GLT8D2: variants seen among roughly 807,000 people sequenced by gnomAD.
The protein encoded by GLT8D2 is glycosyltransferase 8 domain containing 2, also known as glycosyltransferase 8 domain-containing protein 2.
In GLT8D2, 45 loss-of-function variants were observed where a neutral mutation model predicts 44.5. That is an observed-to-expected ratio of 1.01 (90% CI 0.80 to 1.30). The LOEUF (loss-of-function observed/expected upper bound fraction) is 1.30, where lower values mean the gene tolerates loss of function less well. GLT8D2 is among the 50% of genes most tolerant of loss of function. The pLI is 0.00. For missense variants in GLT8D2, 400 were observed against 430.4 expected (o/e 0.93, Z 0.62); for synonymous variants, 156 against 157.2 (o/e 0.99, Z 0.06).
At chr12:104,016,274 GTAA>G (rs1876575264) in intron 3 of GLT8D2, among the ~76,000 whole-genome samples, 1 of 152,256 alleles carries the variant, frequency 6.6e-6, no homozygotes, top group South Asian at 2.1e-4. Flanking sequence ...TGAGCCAGTA[GTAA>G]TTATAAATAC....
chr12:103,993,556 A>G, intron 9 of GLT8D2, 52 bp from the exon 10 acceptor site: 2 of 1,192,424 alleles, frequency 1.7e-6, no homozygotes, highest in Non-Finnish European at 2.4e-6. Context: ...CCACAAACTC[A>G]GATAAAGTCG....
intron 1 of GLT8D2, among the ~76,000 whole-genome samples, chr12:104,032,318 T>C (rs982873719): frequency 1.1e-4 from 16 of 150,216 alleles, no homozygotes; most frequent in African/African-American, 3.9e-4. Context: ...GTGAAATGCC[T>C]CTTGGTCCTG....
At chr12:104,002,989 A>T in intron 5 of GLT8D2, 146 bp downstream of exon 5, 1 of 630,726 alleles carries the variant, frequency 1.6e-6, no homozygotes, top group Non-Finnish European at 2.8e-6. Flanking sequence ...AGAGAGAGAG[A>T]CAGAAAGAGA....
chr12:103,989,809 CAG>C (rs1872490883), intron 10 of GLT8D2, among the ~76,000 whole-genome samples: 1 of 151,930 alleles, frequency 6.6e-6, no homozygotes, highest in African/African-American at 2.4e-5. Context: ...TATTTAAAGA[CAG>C]AAGACAAAAT....
At chr12:104,016,705 GAGAGAGAAAGAA>G (rs1876681832) in intron 3 of GLT8D2, among the ~76,000 whole-genome samples, 1 of 79,228 alleles carries the variant, frequency 1.3e-5, no homozygotes, top group South Asian at 4.2e-4. Context: ...GAAAGAAAGG[GAGAGAGAAAGAA>G]AGAAAGAAAG....
rs1034466151 is a variant in GLT8D2 at position 104,047,979 on chromosome 12, T to C, written c.-164+1916A>G. Reference sequence around the variant, plus strand: ...TTTTGTTTCTCTGCTGTTTTAATACTGCAACAGCAGAGTTGAACAGTTGCA... The same window carrying C: ...TTTTGTTTCTCTGCTGTTTTAATACCGCAACAGCAGAGTTGAACAGTTGCA... On this transcript the variant is annotated intron_variant, in intron 1 of 10. Transcript: ENST00000360814. 7.2e-5 allele frequency among the ~76,000 whole-genome samples: 11 copies of C among 152,248 alleles called. No homozygotes were observed. In the South Asian group the frequency reaches 1.0e-3, roughly 14 times the overall value.
upstream of GLT8D2, among the ~76,000 whole-genome samples, chr12:104,053,106 A>C (rs549372124): frequency 6.6e-6 from 1 of 152,204 alleles, no homozygotes; most frequent in African/African-American, 2.4e-5. Context: ...GTTAACTTGC[A>C]GCAGGCTAGT....
Position 104,015,010 on chromosome 12 carries a change from C to G in GLT8D2, c.112+3G>C. The G allele has an allele frequency of 6.2e-7, 1 of 1,602,274 alleles. No individual in the cohort carries two copies. ...CAACTCAATGAATTCCATGTCTGCTCACCTGCGTCATTCTTGGGCACAGTC... is the reference window on the plus strand; with the variant it reads ...CAACTCAATGAATTCCATGTCTGCTGACCTGCGTCATTCTTGGGCACAGTC... On this transcript the variant is annotated splice_donor_region_variant and intron_variant, in intron 4 of 10. Coordinates refer to ENST00000360814, the MANE Select transcript of GLT8D2 (RefSeq NM_001384711.1).
Position 103,994,345 on chromosome 12 carries a change from T to C in GLT8D2, c.757A>G (p.Lys253Glu), listed in dbSNP as rs1414929623. 1 of 1,611,108 alleles carries C rather than the reference T, an allele frequency of 6.2e-7. No individual in the cohort carries two copies. The highest frequency in any genetic ancestry group is 8.5e-7 in the Non-Finnish European group (1 of 1,178,626). The change falls in exon 9 of 11, where the codon AAG becomes GAG. Residue 253 changes from lysine to glutamate, a missense_variant. Coordinates refer to ENST00000360814, the MANE Select transcript of GLT8D2 (RefSeq NM_001384711.1). ...ITKQLEKWMQKNVEENLYSSS... is the reference protein window; with the variant it reads ...ITKQLEKWMQENVEENLYSSS... Reference sequence around the variant, plus strand: ...GAAGCCTTCACGTACTCCACATTCTTTTGCATCCATTTCTCCAATTGCTTG... The same window carrying C: ...GAAGCCTTCACGTACTCCACATTCTCTTGCATCCATTTCTCCAATTGCTTG...
intron 7 of GLT8D2, 69 bp from the exon 8 acceptor site, chr12:103,996,916 C>T (rs1206861406): frequency 1.0e-6 from 1 of 997,832 alleles, no homozygotes; most frequent in African/African-American, 1.6e-5. Flanking sequence ...AGCCTTAGAG[C>T]TTAAACAGCT....
intron 3 of GLT8D2, among the ~76,000 whole-genome samples, chr12:104,016,727 GAA>G (rs1876713312): frequency 3.2e-5 from 2 of 62,152 alleles, no homozygotes; most frequent in Non-Finnish European, 6.7e-5. Context: ...AAGAAAGAAA[GAA>G]AGAAAGAAAG....
intron 1 of GLT8D2, among the ~76,000 whole-genome samples, chr12:104,061,027 C>T (rs1224000613): frequency 2.0e-5 from 3 of 152,140 alleles, no homozygotes; most frequent in African/African-American, 7.2e-5. Context: ...CAAGGGCTGC[C>T]ATGGATTGAC....
chr12:104,027,924 C>T (rs946168970), intron 1 of GLT8D2, among the ~76,000 whole-genome samples: 1 of 152,136 alleles, frequency 6.6e-6, no homozygotes, highest in African/African-American at 2.4e-5. Flanking sequence ...CAGATTTCAC[C>T]GTGTGTTGAT....
chr12:104,015,189 G>A (rs1469641526), intron 3 of GLT8D2, 84 bp from the exon 4 acceptor site: 3 of 966,108 alleles, frequency 3.1e-6, no homozygotes, highest in Non-Finnish European at 4.8e-6. Context: ...GTGCGAGTAG[G>A]TGCCTTCCAT....
At chr12:104,006,548 A>T (rs1875038379) in intron 4 of GLT8D2, among the ~76,000 whole-genome samples, 1 of 152,124 alleles carries the variant, frequency 6.6e-6, no homozygotes, top group African/African-American at 2.4e-5. Context: ...TGGCATGAAG[A>T]GATAACTGTG....
chr12:104,045,619 C>A lies in GLT8D2; in HGVS notation c.-164+4276G>T, dbSNP rs574107749. Reference sequence around the variant, plus strand: ...GCCCCTGAAGACCTTGCATGGGGAGCCATTTTACCAGATGCCAAAGAGTTT... The same window carrying A: ...GCCCCTGAAGACCTTGCATGGGGAGACATTTTACCAGATGCCAAAGAGTTT... On this transcript the variant is annotated intron_variant, in intron 1 of 10. Transcript: ENST00000360814. 2.6e-5 allele frequency among the ~76,000 whole-genome samples: 4 copies of A among 152,130 alleles called. No homozygotes were observed. The South Asian group carries it at 6.2e-4, about 24-fold the overall frequency.
At chr12:104,008,099 G>C (rs142345499) in intron 4 of GLT8D2, among the ~76,000 whole-genome samples, 1 of 152,344 alleles carries the variant, frequency 6.6e-6, no homozygotes, top group East Asian at 1.9e-4. Context: ...GTGGGACGTT[G>C]TTGAAAAGAT....
At chr12:104,006,403 A>C (rs1350992344) in intron 4 of GLT8D2, among the ~76,000 whole-genome samples, 1 of 152,132 alleles carries the variant, frequency 6.6e-6, no homozygotes, top group Non-Finnish European at 1.5e-5. Flanking sequence ...AAATAAAAGA[A>C]ACTGGCTGAA....
intron 1 of GLT8D2, among the ~76,000 whole-genome samples, chr12:104,042,434 C>T (rs533888632): frequency 6.6e-6 from 1 of 152,292 alleles, no homozygotes; most frequent in South Asian, 2.1e-4. Context: ...CAGAATCAAC[C>T]CATGTGTTTA....
Sources: gnomAD v4.1 joint callset for allele counts (sites outside exome capture counted in the v4.1 genomes callset) on GRCh38, gnomAD v4.1.1 for gene constraint, MANE v1.5 for transcripts, NCBI Gene and HGNC (gene_info 2026-07-23, HGNC 2026-07-21) for gene names.